Variants in RNF145 observed in about 807,000 individuals in gnomAD.
The protein encoded by RNF145 is ring finger protein 145.
RNF145 carries 12 observed loss-of-function variants against 57.3 expected under a neutral mutation model. The observed-to-expected ratio is 0.21, with a 90% CI of 0.13 to 0.34. The LOEUF (loss-of-function observed/expected upper bound fraction) is 0.34, where lower values mean the gene tolerates loss of function less well. RNF145 is among the 10% of genes least tolerant of loss of function. The pLI is 1.00. For missense variants in RNF145, 429 were observed against 799.0 expected (o/e 0.54, Z 5.58); for synonymous variants, 262 against 288.3 (o/e 0.91, Z 0.92).
chr5:159,195,617 T>C (rs1357609666), intron 2 of RNF145, among the ~76,000 whole-genome samples: 1 of 152,204 alleles, frequency 6.6e-6, no homozygotes, highest in Non-Finnish European at 1.5e-5. Flanking sequence ...GCTCTGTTCA[T>C]ATGGATTTCC....
intron 8 of RNF145, among the ~76,000 whole-genome samples, chr5:159,163,956 G>C (rs995415701): frequency 1.3e-5 from 2 of 152,122 alleles, no homozygotes; most frequent in African/African-American, 4.8e-5. Flanking sequence ...TAAAGCTCAT[G>C]GCTACAAAAA....
chr5:159,186,089 C>T (rs1162576807), intron 3 of RNF145, among the ~76,000 whole-genome samples: 1 of 152,036 alleles, frequency 6.6e-6, no homozygotes, highest in African/African-American at 2.4e-5. Context: ...ATTAGCCAGG[C>T]GTGGTAATGC....
At chr5:159,182,523 A>C (rs189143580) in intron 3 of RNF145, among the ~76,000 whole-genome samples, 2 of 152,222 alleles carry the variant, frequency 1.3e-5, no homozygotes, top group Non-Finnish European at 2.9e-5. Context: ...CTAGTTAGAA[A>C]ACTGGGGGAT....
intron 9 of RNF145, among the ~76,000 whole-genome samples, chr5:159,162,004 G>A (rs1784233321): frequency 6.6e-6 from 1 of 151,900 alleles, no homozygotes; most frequent in African/African-American, 2.4e-5. Flanking sequence ...TCTACAACTC[G>A]CAAAGAAGTT....
At chr5:159,173,889 G>T in intron 6 of RNF145, 94 bp downstream of exon 6, 1 of 868,598 alleles carries the variant, frequency 1.2e-6, no homozygotes, top group Non-Finnish European at 1.7e-6. Flanking sequence ...TGTGTAACAT[G>T]AACGATAAAA....
intron 2 of RNF145, among the ~76,000 whole-genome samples, chr5:159,202,525 G>A (rs1467333980): frequency 1.3e-5 from 2 of 152,050 alleles, no homozygotes; most frequent in African/African-American, 4.8e-5. Context: ...TTACCTCTTA[G>A]GGATGTAAGG....
At chr5:159,201,121 G>T (rs889003696) in intron 2 of RNF145, among the ~76,000 whole-genome samples, 20 of 152,136 alleles carry the variant, frequency 1.3e-4, no homozygotes, top group African/African-American at 4.6e-4. Flanking sequence ...CCACTTACAT[G>T]TAGATTTTTT....
At chr5:159,174,459 T>C (rs192707276) in intron 5 of RNF145, among the ~76,000 whole-genome samples, 335 of 152,206 alleles carry the variant, frequency 2.2e-3, no homozygotes, top group Non-Finnish European at 3.0e-3. Flanking sequence ...CCTTAAAAGG[T>C]AGTTTGAGGA....
At chr5:159,176,964 T>C (rs1223224513) in intron 4 of RNF145, 97 bp from the exon 5 acceptor site, 4 of 666,358 alleles carry the variant, frequency 6.0e-6, no homozygotes, top group Admixed American at 3.1e-5. Context: ...ATAACACAAC[T>C]TTTGAAGAAG....
Position 159,203,528 on chromosome 5 carries a change from A to T in RNF145, c.90T>A (p.Asp30Glu). Residue 30 changes from aspartate (D) to glutamate (E), a missense_variant, in exon 2 of 11, where the codon GAT (aspartate) becomes GAA (glutamate). By Grantham distance (45) the Asp-to-Glu change is conservative. Transcript: ENST00000424310. Reference protein sequence around the residue: ...IMLLDVLYRWDVSSFFQQIQR... With the variant: ...IMLLDVLYRWEVSSFFQQIQR... ...GGATCTGCTGGAAAAAGGAGCTGACATCCCATCTGTACAGGACATCCAACA... is the reference window on the plus strand; with the variant it reads ...GGATCTGCTGGAAAAAGGAGCTGACTTCCCATCTGTACAGGACATCCAACA... 1 of 1,613,950 alleles carries T rather than the reference A, an allele frequency of 6.2e-7. No homozygotes were observed. The highest frequency in any genetic ancestry group is 1.1e-5 in the South Asian group (1 of 91,068).
In RNF145 at chr5:159,161,640, ATGTACGTATCTTG is replaced by A; in HGVS notation, c.1270-31_1270-19del. The stretch of plus-strand genomic sequence containing the variant: ...CCCAGAACCTGAAAAAAAAAAAAAA[ATGTACGTATCTTG>A]AAATATGATCACTAAGATACTTTTT... On this transcript the variant is annotated intron_variant, in intron 9 of 10. Coordinates refer to ENST00000424310, the MANE Select transcript of RNF145 (RefSeq NM_001199383.2). 3 of 906,082 alleles carry A rather than the reference ATGTACGTATCTTG, an allele frequency of 3.3e-6. No homozygotes were observed. The highest frequency in any genetic ancestry group is 3.4e-6 in the Non-Finnish European group (2 of 588,078). 56.1% of individuals were successfully genotyped at this position (906,082 alleles called of 1,614,324 possible).
At chr5:159,186,746 T>C (rs1785071407) in intron 3 of RNF145, among the ~76,000 whole-genome samples, 2 of 152,106 alleles carry the variant, frequency 1.3e-5, no homozygotes, top group South Asian at 4.1e-4. Context: ...TCCTAGATAT[T>C]GAGTGCCTGT....
At chr5:159,208,834 C>G (rs1445644188) in intron 1 of RNF145, among the ~76,000 whole-genome samples, 1 of 144,764 alleles carries the variant, frequency 6.9e-6, no homozygotes, top group Non-Finnish European at 1.5e-5. Context: ...GCTGGGGAGG[C>G]AAAGGGGGAC....
intron 8 of RNF145, among the ~76,000 whole-genome samples, chr5:159,168,662 T>TA (rs1439232078): frequency 6.6e-6 from 1 of 152,078 alleles, no homozygotes; most frequent in Non-Finnish European, 1.5e-5. Flanking sequence ...CATTTTTAAC[T>TA]AAAAAATCTT....
chr5:159,163,278 T>C (rs1023216288), intron 8 of RNF145, among the ~76,000 whole-genome samples, 199 bp from the exon 9 acceptor site: 1 of 152,208 alleles, frequency 6.6e-6, no homozygotes, highest in African/African-American at 2.4e-5. Flanking sequence ...ACTCAGTCAA[T>C]TGCAAAGTAC....
At chr5:159,207,817 C>G (rs763004471) in intron 1 of RNF145, 2 of 1,614,176 alleles carry the variant, frequency 1.2e-6, no homozygotes, top group East Asian at 4.5e-5. Flanking sequence ...ACCGCAAAGA[C>G]AGGGAGTCTA....
intron 2 of RNF145, among the ~76,000 whole-genome samples, chr5:159,203,188 G>C (rs1785732694): frequency 6.6e-6 from 1 of 152,078 alleles, no homozygotes; most frequent in Non-Finnish European, 1.5e-5. Flanking sequence ...TTAAAATCTA[G>C]AATGTTTTCT....
chr5:159,177,365 A>G (rs953462047), intron 4 of RNF145, among the ~76,000 whole-genome samples: 3 of 152,106 alleles, frequency 2.0e-5, no homozygotes, highest in Non-Finnish European at 4.4e-5. Context: ...ACTGCCCCAA[A>G]TAACTAAATC....
At chr5:159,195,725 T>G (rs1464083124) in intron 2 of RNF145, among the ~76,000 whole-genome samples, 1 of 152,200 alleles carries the variant, frequency 6.6e-6, no homozygotes, top group African/African-American at 2.4e-5. Flanking sequence ...ATAAAGTACC[T>G]AGTGCAAACA....
Sources: gnomAD v4.1 joint callset for allele counts (sites outside exome capture counted in the v4.1 genomes callset) on GRCh38, gnomAD v4.1.1 for gene constraint, MANE v1.5 for transcripts, NCBI Gene and HGNC (gene_info 2026-07-23, HGNC 2026-07-21) for gene names.